MCM2: variants seen among roughly 807,000 people sequenced by gnomAD.
The protein encoded by MCM2 is DNA replication licensing factor MCM2.
Under a neutral mutation model 86.4 loss-of-function variants are expected in MCM2, and 49 were observed. The ratio of observed to expected loss-of-function variants is 0.57; its 90% CI spans 0.45 to 0.72. The LOEUF (loss-of-function observed/expected upper bound fraction) is 0.72, where lower values mean the gene tolerates loss of function less well. MCM2 is among the 30% of genes least tolerant of loss of function. The pLI, the probability that MCM2 is intolerant of heterozygous loss-of-function variation, is 0.00. For synonymous variants in MCM2, 475 were observed against 484.6 expected, an observed-to-expected ratio of 0.98 and a Z score of 0.26; for missense variants, 1,038 against 1,259.9, an observed-to-expected ratio of 0.82 and a Z score of 2.67.
At chr3:127,598,570 G>A (rs1425840784) in intron 1 of MCM2, 98 bp downstream of exon 1, 33 of 1,484,322 alleles carry the variant, frequency 2.2e-5, no homozygotes, top group Non-Finnish European at 2.8e-5. Context: ...GGCGCTCTGG[G>A]TGAGGCTGGG....
At chr3:127,619,847 G>T (rs1294619430) in intron 13 of MCM2, among the ~76,000 whole-genome samples, 1 of 152,146 alleles carries the variant, frequency 6.6e-6, no homozygotes, top group Non-Finnish European at 1.5e-5. Flanking sequence ...GCTGGGCCTG[G>T]TGGTTTGTGC....
At position 127,617,932 on chromosome 3, in the gene MCM2, G is replaced by GA; in HGVS notation, c.1901-35dup. ...GGGTCCCTGAGATGGGAGGATAGGGGAATCCACCCTGATGGAGGTGCTCCC... is the reference window on the plus strand; with the variant it reads ...GGGTCCCTGAGATGGGAGGATAGGGGAAATCCACCCTGATGGAGGTGCTCCC... On this transcript the variant is annotated intron_variant, in intron 11 of 15. Coordinates refer to ENST00000265056, the MANE Select transcript of MCM2 (RefSeq NM_004526.4). This position sits in a 1 kb window ranked among gnomAD's most constrained non-coding sequence, Gnocchi z 4.1. 1 of 1,519,528 alleles carries GA rather than the reference G, an allele frequency of 6.6e-7. No individual in the cohort carries two copies. The highest frequency in any genetic ancestry group is 1.1e-5 in the South Asian group (1 of 87,058). 94.1% of individuals were successfully genotyped at this position (1,519,528 alleles called of 1,614,324 possible).
Position 127,608,515 on chromosome 3 carries a change from T to C in MCM2, c.1235T>C (p.Ile412Thr). 2 of 1,613,958 alleles carry C rather than the reference T, an allele frequency of 1.2e-6. No individual in the cohort carries two copies. The highest frequency in any genetic ancestry group is 1.7e-6 in the Non-Finnish European group (2 of 1,179,994). Reference protein sequence around the residue: ...LVDSCKPGDEIELTGIYHNNY... With the variant: ...LVDSCKPGDETELTGIYHNNY... ...GACAGCTGCAAGCCAGGAGACGAGA[T>C]AGTAAGTGGCCGGGGCAGGCTGGGA... The change falls in exon 7 of 16, where the codon ATA becomes ACA. Residue 412 changes from isoleucine (I) to threonine (T), a missense_variant and splice_region_variant. This residue lies in a region of MCM2 where 399 missense variants were observed against 507.2 expected (regional missense o/e 0.79). Transcript: ENST00000265056.
intron 4 of MCM2, among the ~76,000 whole-genome samples, 182 bp downstream of exon 4, chr3:127,605,338 C>T (rs1468131208): frequency 6.6e-6 from 1 of 151,818 alleles, no homozygotes; most frequent in African/African-American, 2.4e-5. Context: ...GTGACCACAT[C>T]TGGGCCACCA....
In MCM2 at chr3:127,606,032, A is replaced by C. The variant is rs1168970259; in HGVS notation, c.674-86A>C. 1.0e-6 allele frequency: 1 copy of C among 984,798 alleles called. No homozygotes were observed. The highest frequency in any genetic ancestry group is 1.6e-5 in the African/African-American group (1 of 62,680). The allele number at this position is 984,798 out of a possible 1,614,324, so 61.0% of individuals were successfully genotyped here. A position where few individuals can be genotyped will look rare whatever the true frequency, so the allele number is the denominator to read the frequency against. On this transcript the variant is annotated intron_variant, in intron 4 of 15. Coordinates refer to ENST00000265056, the MANE Select transcript of MCM2 (RefSeq NM_004526.4). This position sits in a 1 kb window ranked among gnomAD's most constrained non-coding sequence, Gnocchi z 4.2. Reference sequence around the variant, plus strand: ...GTCAAAATCAATGGTCGGGGTGGGTAGGCCTTGCTTCTCACACAGGCATTG... The same window carrying C: ...GTCAAAATCAATGGTCGGGGTGGGTCGGCCTTGCTTCTCACACAGGCATTG...
In MCM2 at chr3:127,598,504, C is replaced by T. The variant is rs760918661; in HGVS notation, c.6+32C>T. On this transcript the variant is annotated intron_variant, in intron 1 of 15. Transcript: ENST00000265056. ...GCGCTGGCGCGTGGCGGGCGGGCGC[C>T]GGGGACATGGGTGCGGAGGCTGCGC... The T allele has an allele frequency of 8.7e-6, 14 of 1,610,606 alleles. No homozygotes were observed. The African/African-American group carries it at 1.7e-4, about 20-fold the overall frequency.
intron 13 of MCM2, among the ~76,000 whole-genome samples, chr3:127,620,317 A>G (rs2107696847): frequency 6.6e-6 from 1 of 152,340 alleles, no homozygotes; most frequent in East Asian, 1.9e-4. Context: ...AGATCATTCA[A>G]TTTAGTTTTC....
Position 127,598,442 on chromosome 3 carries a change from T to C in MCM2, c.-25T>C. 5.6e-6 allele frequency: 9 copies of C among 1,613,420 alleles called. No homozygotes were observed. The highest frequency in any genetic ancestry group is 6.8e-6 in the Non-Finnish European group (8 of 1,179,558). On this transcript the variant is annotated 5_prime_UTR_variant, in exon 1 of 16. Coordinates refer to ENST00000265056, the MANE Select transcript of MCM2 (RefSeq NM_004526.4). ...GCGCGAAACCTGGTTGTTGCTGTAG[T>C]GGCGGAGAGGATCGTGGTACTGCTA...
chr3:127,601,587 A>C (rs376930641), intron 2 of MCM2, among the ~76,000 whole-genome samples: 8 of 152,158 alleles, frequency 5.3e-5, no homozygotes, highest in African/African-American at 1.9e-4. Context: ...GCTGGTCTTG[A>C]ACCCCTGACC....
At chr3:127,610,939 A>G in intron 8 of MCM2, 3 of 456,728 alleles carry the variant, frequency 6.6e-6, no homozygotes, top group South Asian at 4.6e-5. Flanking sequence ...GCCAACACAC[A>G]TTGGTTCCTG....
chr3:127,615,703 C>T (rs569582720), intron 8 of MCM2, among the ~76,000 whole-genome samples, 159 bp from the exon 9 acceptor site: 1 of 152,292 alleles, frequency 6.6e-6, no homozygotes, highest in African/African-American at 2.4e-5. Context: ...GCTTTAGAGT[C>T]GGGCACGGCT....
Position 127,617,991 on chromosome 3 carries a change from G to T in MCM2, c.1923G>T (p.Leu641=). The change falls in exon 12 of 16, where the codon CTG becomes CTT. Residue 641 remains leucine (L), a synonymous_variant. Transcript: ENST00000265056. This position sits in a 1 kb window ranked among gnomAD's most constrained non-coding sequence, Gnocchi z 4.1. The part of the protein sequence containing the change: ...NPIGGRYDPS[L]TFSENVDLTE... ...CAGGAGGGCGCTACGACCCCTCGCT[G>T]ACTTTCTCTGAGAACGTGGACCTCA... is the stretch of plus-strand genomic sequence containing the variant. The T allele has an allele frequency of 6.2e-7, 1 of 1,614,018 alleles. No homozygotes were observed. Among genetic ancestry groups the T allele is most frequent in the South Asian group, 1.1e-5 (1 of 91,044 alleles).
intron 8 of MCM2, among the ~76,000 whole-genome samples, chr3:127,611,901 G>A (rs1270574074): frequency 2.1e-5 from 3 of 144,356 alleles, no homozygotes; most frequent in South Asian, 2.3e-4. Flanking sequence ...GGGTTTCACC[G>A]TTTTAGCCGG....
Position 127,599,490 on chromosome 3 carries a change from A to T in MCM2, c.179A>T (p.Glu60Val). The change falls in exon 2 of 16, where the codon GAG becomes GTG. Residue 60 changes from glutamate to valine, a missense_variant. Glu to Val is a moderately radical substitution (Grantham distance 121). Coordinates refer to ENST00000265056, the MANE Select transcript of MCM2 (RefSeq NM_004526.4). ...EDESEGLLGTEGPLEEEEDGE... is the reference protein window; with the variant it reads ...EDESEGLLGTVGPLEEEEDGE... Reference sequence around the variant, plus strand: ...GAGTCCGAGGGGCTCCTAGGCACAGAGGGGCCCCTGGAGGAAGAAGAGGAT... The same window carrying T: ...GAGTCCGAGGGGCTCCTAGGCACAGTGGGGCCCCTGGAGGAAGAAGAGGAT... 6.2e-7 allele frequency: 1 copy of T among 1,614,064 alleles called. No individual in the cohort carries two copies. The highest frequency in any genetic ancestry group is 8.5e-7 in the Non-Finnish European group (1 of 1,179,982).
Position 127,621,742 on chromosome 3 carries a change from T to C in MCM2, c.2684T>C (p.Leu895Pro), listed in dbSNP as rs756567878. 3 of 1,614,016 alleles carry C rather than the reference T, an allele frequency of 1.9e-6. No homozygotes were observed. The South Asian group carries it at 3.3e-5, about 18-fold the overall frequency. Residue 895 changes from leucine to proline, a missense_variant, in exon 16 of 16, where the codon CTG (leucine) becomes CCG (proline). Physicochemically the swap from Leu to Pro is moderately conservative, Grantham distance 98. This residue lies in a region of MCM2 where 336 missense variants were observed against 425.7 expected (regional missense o/e 0.79). Transcript: ENST00000265056. ...LFRMNKFSHD[L>P]KRKMILQQF ...AGGATGAACAAGTTCAGCCACGACC[T>C]GAAAAGGAAAATGATCCTGCAGCAG...
rs1464400190 is a variant in MCM2, at chr3:127,599,503, G to A, written c.192G>A (p.Glu64=). Residue 64 remains glutamate (E), a synonymous_variant, in exon 2 of 16, where the codon GAG becomes GAA. Transcript: ENST00000265056. ...EGLLGTEGPL[E]EEEDGEELIG... ...TCCTAGGCACAGAGGGGCCCCTGGAGGAAGAAGAGGATGGAGAGGAGCTCA... is the reference window on the plus strand; with the variant it reads ...TCCTAGGCACAGAGGGGCCCCTGGAAGAAGAAGAGGATGGAGAGGAGCTCA... 1.1e-5 allele frequency: 18 copies of A among 1,614,134 alleles called. No homozygotes were observed. Among genetic ancestry groups the A allele is most frequent in the Non-Finnish European group, 1.5e-5 (18 of 1,179,984 alleles).
At position 127,599,637 on chromosome 3, in the gene MCM2, G is replaced by C. The variant is rs543462870; in HGVS notation, c.236+90G>C. 3.5e-5 allele frequency: 40 copies of C among 1,138,278 alleles called. No homozygotes were observed. In the East Asian group the frequency reaches 9.9e-4, roughly 28 times the overall value. 70.5% of individuals were successfully genotyped at this position (1,138,278 alleles called of 1,614,324 possible). On this transcript the variant is annotated intron_variant, in intron 2 of 15. Coordinates refer to ENST00000265056, the MANE Select transcript of MCM2 (RefSeq NM_004526.4). ...GGCCTGGCTTTGGGAGCTGGGAGCAGATGAATCGATGGCATTCTTGCCTTT... is the reference window on the plus strand; with the variant it reads ...GGCCTGGCTTTGGGAGCTGGGAGCACATGAATCGATGGCATTCTTGCCTTT...
At position 127,618,064 on chromosome 3, in the gene MCM2, A is replaced by G; in HGVS notation, c.1996A>G (p.Thr666Ala). The G allele has an allele frequency of 1.2e-6, 2 of 1,613,984 alleles. No individual in the cohort carries two copies. The highest frequency in any genetic ancestry group is 1.7e-6 in the Non-Finnish European group (2 of 1,179,920). The change falls in exon 12 of 16, where the codon ACC becomes GCC. Residue 666 changes from threonine to alanine, a missense_variant. Thr to Ala is a moderately conservative substitution (Grantham distance 58). This residue lies in a region of MCM2 where 336 missense variants were observed against 425.7 expected (regional missense o/e 0.79). Transcript: ENST00000265056. This position sits in a 1 kb window ranked among gnomAD's most constrained non-coding sequence, Gnocchi z 4.0. ...TGACATCCTGTGTGTGGTGAGGGAC[A>G]CCGTGGACCCAGTCCAGGTATAGCT... ...RFDILCVVRDTVDPVQDEMLA... is the reference protein window; with the variant it reads ...RFDILCVVRDAVDPVQDEMLA...
intron 14 of MCM2, 56 bp downstream of exon 14, chr3:127,620,936 C>T (rs915929953): frequency 7.3e-5 from 114 of 1,571,022 alleles, no homozygotes; most frequent in Middle Eastern, 5.3e-4. Context: ...GGAGGCCACA[C>T]GTGGGTATCC....
Sources: gnomAD v4.1 joint callset for allele counts (sites outside exome capture counted in the v4.1 genomes callset) on GRCh38, gnomAD v4.1.1 for gene constraint, gnomAD v4.1.1 regional missense constraint, Gnocchi (gnomAD v3.1) non-coding constraint, MANE v1.5 for transcripts, NCBI Gene and HGNC (gene_info 2026-07-23, HGNC 2026-07-21) for gene names.